The following CCSER1 variants were observed in gnomAD, a reference collection of about 807,000 sequenced individuals.
CCSER1 encodes coiled-coil serine rich protein 1.
Under a neutral mutation model 82.0 loss-of-function variants are expected in CCSER1, and 41 were observed. The observed-to-expected ratio is 0.50, with a 90% CI of 0.39 to 0.65. The LOEUF is 0.65. Among genes scored for constraint, CCSER1 ranks in the 30% least tolerant of loss-of-function variants. The pLI is 0.00. For missense variants in CCSER1, 1,119 were observed against 1,064.2 expected (o/e 1.05, Z -0.72); for synonymous variants, 414 against 383.9 (o/e 1.08, Z -0.92).
chr4:91,518,956 G>A (rs1325540876), intron 10 of CCSER1, among the ~76,000 whole-genome samples: 1 of 152,226 alleles, frequency 6.6e-6, no homozygotes, highest in African/African-American at 2.4e-5. Context: ...GCTGCAGTGT[G>A]TGGGAGGTTC....
At chr4:91,031,609 G>T (rs1388248980) in intron 9 of CCSER1, among the ~76,000 whole-genome samples, 4 of 151,898 alleles carry the variant, frequency 2.6e-5, no homozygotes, top group Non-Finnish European at 5.9e-5. Flanking sequence ...TTTCTGTGGG[G>T]CGCTTAAAAA....
At chr4:90,612,050 C>T (rs1785577159) in intron 5 of CCSER1, among the ~76,000 whole-genome samples, 1 of 151,712 alleles carries the variant, frequency 6.6e-6, no homozygotes, top group Non-Finnish European at 1.5e-5. Flanking sequence ...TAGCTGTAGA[C>T]ATGCCAATAA....
chr4:90,805,093 G>C (rs958189384), intron 7 of CCSER1, among the ~76,000 whole-genome samples: 24 of 148,004 alleles, frequency 1.6e-4, no homozygotes, highest in African/African-American at 6.0e-4. Context: ...AATAGAGTTT[G>C]TCTCTATGTT....
rs569766384 is a variant in CCSER1 at position 90,682,613 on chromosome 4, G to A, written c.1933-41301G>A. 9.5e-4 allele frequency among the ~76,000 whole-genome samples: 145 copies of A among 151,982 alleles called. 1 individual carries two copies. Among genetic ancestry groups the A allele is most frequent in the Admixed American group, 1.4e-3 (22 of 15,242 alleles). ...GCTCTGTTCCGTAAAGTCATTCAGG[G>A]TCTCATAACTCCACTAACCAAGGAT... is the stretch of plus-strand genomic sequence containing the variant. On this transcript the variant is annotated intron_variant, in intron 6 of 10. Coordinates refer to ENST00000509176, the MANE Select transcript of CCSER1 (RefSeq NM_001145065.2).
intron 1 of CCSER1, among the ~76,000 whole-genome samples, chr4:90,158,526 T>C (rs536304563): frequency 6.6e-6 from 1 of 152,338 alleles, no homozygotes; most frequent in African/African-American, 2.4e-5. Flanking sequence ...TGTGGTGGGC[T>C]CCACCCAGTT....
chr4:91,406,192 TTTG>T (rs1482097531), intron 10 of CCSER1, among the ~76,000 whole-genome samples: 1 of 152,210 alleles, frequency 6.6e-6, no homozygotes, highest in Non-Finnish European at 1.5e-5. Context: ...AATTGCATAA[TTTG>T]TTAACTTGTA....
chr4:91,309,557 T>G (rs990245879), intron 10 of CCSER1, among the ~76,000 whole-genome samples: 3 of 152,040 alleles, frequency 2.0e-5, no homozygotes, highest in Non-Finnish European at 4.4e-5. Flanking sequence ...AGACAATATT[T>G]CATTTGTGAT....
intron 10 of CCSER1, among the ~76,000 whole-genome samples, chr4:91,488,717 C>G (rs1048679109): frequency 6.6e-6 from 1 of 152,206 alleles, no homozygotes; most frequent in South Asian, 2.1e-4. Context: ...CTCAGCCATG[C>G]TTCCTATACA....
intron 1 of CCSER1, among the ~76,000 whole-genome samples, chr4:90,276,906 T>C (rs1343114128): frequency 1.3e-5 from 2 of 152,178 alleles, no homozygotes; most frequent in Non-Finnish European, 2.9e-5. Context: ...TCAGCTAGAA[T>C]GTTATTGGTG....
intron 8 of CCSER1, among the ~76,000 whole-genome samples, chr4:90,872,924 C>T (rs1413304991): frequency 6.6e-6 from 1 of 152,012 alleles, no homozygotes. Flanking sequence ...CAGGTTTCTA[C>T]TAAGTCCCCT....
chr4:91,170,109 A>G (rs1260909478), intron 10 of CCSER1, among the ~76,000 whole-genome samples: 3 of 152,218 alleles, frequency 2.0e-5, no homozygotes, highest in Non-Finnish European at 2.9e-5. Flanking sequence ...TCTTAAAAAT[A>G]TAAAAGCTGG....
intron 3 of CCSER1, among the ~76,000 whole-genome samples, chr4:90,354,460 T>C (rs545419877): frequency 2.1e-4 from 32 of 152,266 alleles, no homozygotes; most frequent in African/African-American, 6.5e-4. Context: ...TTAAATTTCC[T>C]AAGAAAGTAT....
chr4:91,049,796 C>G (rs1742837689), intron 9 of CCSER1, among the ~76,000 whole-genome samples: 1 of 152,182 alleles, frequency 6.6e-6, no homozygotes, highest in Non-Finnish European at 1.5e-5. Flanking sequence ...TGAAATACTT[C>G]TTTTAAAGAG....
At chr4:91,533,981 T>A (rs2110175499) in intron 10 of CCSER1, among the ~76,000 whole-genome samples, 1 of 152,156 alleles carries the variant, frequency 6.6e-6, no homozygotes, top group South Asian at 2.1e-4. Flanking sequence ...TGAATCATTT[T>A]CCCCTTGAGA....
chr4:90,781,331 A>G (rs574577520), intron 7 of CCSER1: 1 of 985,304 alleles, frequency 1.0e-6, no homozygotes, highest in East Asian at 1.1e-4. Context: ...TTCATCAAAT[A>G]TGAATGTGCA....
intron 10 of CCSER1, among the ~76,000 whole-genome samples, chr4:91,317,488 G>A (rs962172786): frequency 6.6e-6 from 1 of 151,800 alleles, no homozygotes; most frequent in African/African-American, 2.4e-5. Context: ...GGAAGGGTAG[G>A]GCTCTCTGTT....
intron 9 of CCSER1, among the ~76,000 whole-genome samples, chr4:90,985,274 T>G (rs1157968734): frequency 1.3e-5 from 2 of 151,772 alleles, no homozygotes; most frequent in Admixed American, 6.6e-5. Flanking sequence ...TCTGCCTCTT[T>G]TTATTCTTCT....
chr4:91,586,166 T>C (rs11942996), intron 10 of CCSER1, among the ~76,000 whole-genome samples: 67,331 of 151,384 alleles, frequency 0.44, 15,208 homozygotes, highest in East Asian at 0.64. Context: ...GTTCAACAAA[T>C]GTTACTGAAG....
intron 1 of CCSER1, among the ~76,000 whole-genome samples, chr4:90,273,668 T>G (rs1184083471): frequency 6.6e-6 from 1 of 152,124 alleles, no homozygotes. Flanking sequence ...CATATAAAAC[T>G]TTGCCTCTTT....
Sources: allele counts gnomAD v4.1 joint callset (sites outside exome capture counted in the v4.1 genomes callset), GRCh38; gene constraint gnomAD v4.1.1; transcripts MANE v1.5; gene names NCBI Gene and HGNC (gene_info 2026-07-23, HGNC 2026-07-21).